Variants in TSHZ2 observed in about 807,000 individuals in gnomAD.
The protein encoded by TSHZ2 is teashirt homolog 2.
Under a neutral mutation model 74.4 loss-of-function variants are expected in TSHZ2, and 21 were observed. The observed-to-expected ratio is 0.28, with a 90% CI of 0.20 to 0.41. TSHZ2 has a LOEUF of 0.41. TSHZ2 is among the 10% of genes least tolerant of loss of function. The pLI is 1.00. For synonymous variants in TSHZ2, 540 were observed against 515.3 expected (o/e 1.05, Z -0.65); for missense variants, 1,244 against 1,293.5 (o/e 0.96, Z 0.59).
At chr20:53,433,388 A>C (rs943860301) in intron 2 of TSHZ2, among the ~76,000 whole-genome samples, 6 of 152,072 alleles carry the variant, frequency 3.9e-5, no homozygotes, top group Non-Finnish European at 8.8e-5. Flanking sequence ...TAAAACATAC[A>C]TTAAATGGGT....
chr20:53,438,347 C>A (rs1984175359), intron 2 of TSHZ2, among the ~76,000 whole-genome samples: 1 of 151,846 alleles, frequency 6.6e-6, no homozygotes, highest in Non-Finnish European at 1.5e-5. Flanking sequence ...TGAGCTCAGG[C>A]AATACCCAAG....
intron 1 of TSHZ2, among the ~76,000 whole-genome samples, chr20:53,169,418 G>A (rs1025523992): frequency 2.0e-5 from 3 of 152,140 alleles, no homozygotes; most frequent in Non-Finnish European, 4.4e-5. Context: ...TAATCTCTTA[G>A]GAAATGCAAA....
chr20:53,168,156 TG>T (rs970247954), intron 1 of TSHZ2, among the ~76,000 whole-genome samples: 1 of 152,206 alleles, frequency 6.6e-6, no homozygotes, highest in Non-Finnish European at 1.5e-5. Context: ...CAATTTGATT[TG>T]TTCAGGGTTT....
At chr20:53,251,667 A>C (rs981510572) in intron 1 of TSHZ2, among the ~76,000 whole-genome samples, 1 of 152,220 alleles carries the variant, frequency 6.6e-6, no homozygotes, top group African/African-American at 2.4e-5. Flanking sequence ...TAGCAGTAAA[A>C]TAACTAACAC....
chr20:53,085,485 G>A (rs546610932), intron 1 of TSHZ2, among the ~76,000 whole-genome samples: 2 of 152,300 alleles, frequency 1.3e-5, no homozygotes, highest in African/African-American at 2.4e-5. Context: ...GAAACACACC[G>A]AGGAGAAACT....
intron 1 of TSHZ2, among the ~76,000 whole-genome samples, chr20:53,161,550 C>T (rs563422670): frequency 6.6e-5 from 10 of 152,294 alleles, no homozygotes; most frequent in East Asian, 5.8e-4. Context: ...AGGAAACTTA[C>T]AGTCATGGCA....
intron 2 of TSHZ2, among the ~76,000 whole-genome samples, chr20:53,468,514 TG>T (rs1985628513): frequency 6.6e-6 from 1 of 152,136 alleles, no homozygotes; most frequent in Non-Finnish European, 1.5e-5. Flanking sequence ...CTGTTTCTGC[TG>T]GTTGCGTTCA....
intron 1 of TSHZ2, among the ~76,000 whole-genome samples, chr20:53,027,048 C>T (rs536914209): frequency 6.6e-6 from 1 of 151,966 alleles, no homozygotes; most frequent in Middle Eastern, 3.4e-3. Flanking sequence ...CTCTAATGTA[C>T]TCTAATGCAT....
intron 1 of TSHZ2, among the ~76,000 whole-genome samples, chr20:53,213,263 G>C (rs1989354574): frequency 6.6e-6 from 1 of 152,244 alleles, no homozygotes. Context: ...ACAGTTTCTT[G>C]TTCATGCCTT....
chr20:53,346,224 T>A (rs531364460), intron 2 of TSHZ2, among the ~76,000 whole-genome samples: 1 of 152,328 alleles, frequency 6.6e-6, no homozygotes, highest in East Asian at 1.9e-4. Context: ...CAGAACTCAC[T>A]TTCCATGTCT....
chr20:53,446,996 CA>C (rs1219423379), intron 2 of TSHZ2, among the ~76,000 whole-genome samples: 1 of 152,222 alleles, frequency 6.6e-6, no homozygotes. Context: ...GAAACTTACA[CA>C]TTTTTTTTCT....
chr20:53,293,712 A>G (rs1217896338), intron 2 of TSHZ2, among the ~76,000 whole-genome samples: 2 of 148,540 alleles, frequency 1.3e-5, no homozygotes, highest in East Asian at 2.0e-4. Context: ...AAAAAAAAAA[A>G]AAAAAAGAAA....
chr20:53,426,376 C>T (rs1983656983), intron 2 of TSHZ2, among the ~76,000 whole-genome samples: 1 of 152,032 alleles, frequency 6.6e-6, no homozygotes, highest in African/African-American at 2.4e-5. Context: ...GGGGGAGACC[C>T]TTGGCTCAGA....
intron 1 of TSHZ2, among the ~76,000 whole-genome samples, chr20:53,092,441 A>G (rs930264420): frequency 1.3e-5 from 2 of 152,200 alleles, no homozygotes; most frequent in African/African-American, 4.8e-5. Flanking sequence ...TTGACAAAGA[A>G]GCTGTGTGGG....
At chr20:53,460,826 C>T (rs1985330385) in intron 2 of TSHZ2, among the ~76,000 whole-genome samples, 1 of 152,152 alleles carries the variant, frequency 6.6e-6, no homozygotes, top group Admixed American at 6.5e-5. Flanking sequence ...GTCAGTGTGC[C>T]CCTGCTGGGG....
intron 1 of TSHZ2, among the ~76,000 whole-genome samples, chr20:53,138,194 A>G (rs997059318): frequency 6.6e-6 from 1 of 152,086 alleles, no homozygotes; most frequent in African/African-American, 2.4e-5. Flanking sequence ...CATCCTGGCT[A>G]ACACGGTGAA....
At chr20:52,985,086 G>A (rs1481059446) in intron 1 of TSHZ2, among the ~76,000 whole-genome samples, 3 of 152,110 alleles carry the variant, frequency 2.0e-5, no homozygotes, top group Admixed American at 1.3e-4. Context: ...ACTTTTCCAC[G>A]CATATTTCCT....
chr20:53,253,396 T>A (rs1352387447), intron 1 of TSHZ2, 103 bp from the exon 2 acceptor site: 1 of 1,476,246 alleles, frequency 6.8e-7, no homozygotes, highest in East Asian at 2.4e-5. Context: ...GTAGATTAAA[T>A]CACCGTTCAG....
chr20:53,293,003 A>T (rs1257565706), intron 2 of TSHZ2, among the ~76,000 whole-genome samples: 3 of 152,236 alleles, frequency 2.0e-5, no homozygotes, highest in African/African-American at 7.2e-5. Flanking sequence ...CACAGTCAAT[A>T]GTTTAATTAG....
Sources: allele counts gnomAD v4.1 joint callset (sites outside exome capture counted in the v4.1 genomes callset), GRCh38; gene constraint gnomAD v4.1.1; transcripts MANE v1.5; gene names NCBI Gene and HGNC (gene_info 2026-07-23, HGNC 2026-07-21).